Variants in CPPED1 observed in about 807,000 individuals in gnomAD.
The protein encoded by CPPED1 is calcineurin like phosphoesterase domain containing 1.
CPPED1 carries 28 observed loss-of-function variants against 28.0 expected under a neutral mutation model. The observed-to-expected ratio is 1.00, with a 90% CI of 0.74 to 1.37. The LOEUF is 1.37. Among genes scored for constraint, CPPED1 ranks in the 40% most tolerant of loss-of-function variants. The pLI is 0.00. For missense variants in CPPED1, 504 were observed against 416.5 expected, an observed-to-expected ratio of 1.21 and a Z score of -1.83; for synonymous variants, 198 against 180.2, an observed-to-expected ratio of 1.10 and a Z score of -0.79.
At chr16:12,674,668 A>C (rs992520739) in intron 3 of CPPED1, among the ~76,000 whole-genome samples, 22 of 152,222 alleles carry the variant, frequency 1.4e-4, no homozygotes, top group African/African-American at 5.3e-4. Flanking sequence ...TCTCCATTTT[A>C]CAGATGAGAA....
intron 1 of CPPED1, among the ~76,000 whole-genome samples, chr16:12,793,623 G>T (rs752795076): frequency 1.3e-5 from 2 of 152,164 alleles, no homozygotes; most frequent in African/African-American, 2.4e-5. Context: ...AACATGTAAA[G>T]CATTTGGACT....
In CPPED1 at chr16:12,770,770, C is replaced by T. The variant is rs139655360; in HGVS notation, c.289+10415G>A. Among the ~76,000 whole-genome samples, 522 of 151,750 alleles carry T rather than the reference C, an allele frequency of 3.4e-3. 2 individuals carry two copies. The highest frequency in any genetic ancestry group is 0.012 in the African/African-American group (502 of 41,372). Reference sequence around the variant, plus strand: ...CCGGGAGGCAGAGGTTGCAGTGAGCCGAGATCGCGCCATTGCACTCCAGCC... The same window carrying T: ...CCGGGAGGCAGAGGTTGCAGTGAGCTGAGATCGCGCCATTGCACTCCAGCC... On this transcript the variant is annotated intron_variant, in intron 2 of 3. Coordinates refer to ENST00000381774, the MANE Select transcript of CPPED1 (RefSeq NM_018340.3).
chr16:12,718,925 T>C (rs2141196631), intron 2 of CPPED1, among the ~76,000 whole-genome samples: 2 of 152,226 alleles, frequency 1.3e-5, no homozygotes, highest in Middle Eastern at 3.4e-3. Flanking sequence ...ATCCTTCCAC[T>C]GCACTCCAGC....
intron 2 of CPPED1, among the ~76,000 whole-genome samples, chr16:12,747,071 T>A (rs200252928): frequency 5.2e-5 from 7 of 133,500 alleles, no homozygotes; most frequent in East Asian, 2.5e-4. Flanking sequence ...AAAAAAAAAT[T>A]AAAAAAAAAA....
Position 12,728,259 on chromosome 16 carries a change from A to G in CPPED1, c.290-23210T>C, listed in dbSNP as rs76066156. ...AAGAGAGGGGAGAAATGTATTACGT[A>G]CAGTAATAAGCATATTAAATGCCTT... On this transcript the variant is annotated intron_variant, in intron 2 of 3. Coordinates refer to ENST00000381774, the MANE Select transcript of CPPED1 (RefSeq NM_018340.3). Among the ~76,000 whole-genome samples, 914 of 152,324 alleles carry G rather than the reference A, an allele frequency of 6.0e-3. 18 individuals carry two copies. In the East Asian group the frequency reaches 0.067, roughly 11 times the overall value.
chr16:12,787,866 T>C (rs1041641986), intron 1 of CPPED1, among the ~76,000 whole-genome samples: 2 of 152,204 alleles, frequency 1.3e-5, no homozygotes, highest in Non-Finnish European at 2.9e-5. Flanking sequence ...GTTTAGCTGG[T>C]CCTCTGCAAG....
At chr16:12,794,695 T>A (rs1044535248) in intron 1 of CPPED1, among the ~76,000 whole-genome samples, 9 of 152,204 alleles carry the variant, frequency 5.9e-5, no homozygotes, top group African/African-American at 2.2e-4. Context: ...ATCAAGTCAG[T>A]GCTCAAAAAG....
chr16:12,759,155 T>G (rs1375488698), intron 2 of CPPED1: 1 of 118,114 alleles, frequency 8.5e-6, no homozygotes, highest in East Asian at 2.4e-4. Context: ...AGACGAAGAC[T>G]CTGTCTCTAA....
chr16:12,791,104 T>C (rs553757412), intron 1 of CPPED1, among the ~76,000 whole-genome samples: 3 of 151,636 alleles, frequency 2.0e-5, no homozygotes, highest in Admixed American at 2.0e-4. Context: ...AACACGCAGG[T>C]TTGTTACATA....
intron 2 of CPPED1, among the ~76,000 whole-genome samples, chr16:12,755,782 C>A (rs72779088): frequency 0.19 from 29,552 of 152,072 alleles, 2,959 homozygotes; most frequent in East Asian, 0.28. Context: ...AGTTATGTGG[C>A]ATATATGAAA....
chr16:12,783,830 G>C (rs2080546899), intron 1 of CPPED1, among the ~76,000 whole-genome samples: 1 of 152,140 alleles, frequency 6.6e-6, no homozygotes, highest in Admixed American at 6.5e-5. Context: ...AATTACAATG[G>C]GCCAGAAGTC....
intron 2 of CPPED1, among the ~76,000 whole-genome samples, chr16:12,708,495 TAA>T (rs904990017): frequency 1.9e-4 from 29 of 152,186 alleles, no homozygotes; most frequent in African/African-American, 6.8e-4. Flanking sequence ...CTAAATGTAA[TAA>T]ATTCTTCCAT....
At chr16:12,689,686 A>G (rs1407806120) in intron 3 of CPPED1, among the ~76,000 whole-genome samples, 1 of 152,170 alleles carries the variant, frequency 6.6e-6, no homozygotes, top group Admixed American at 6.5e-5. Context: ...AGGAAACGAC[A>G]CTGGGGAAGT....
chr16:12,685,198 C>T (rs1596445137), intron 3 of CPPED1, among the ~76,000 whole-genome samples: 1 of 152,344 alleles, frequency 6.6e-6, no homozygotes, highest in East Asian at 1.9e-4. Flanking sequence ...CGCCTGCAAT[C>T]CCAGCACTTT....
chr16:12,772,160 C>T (rs1342405269), intron 2 of CPPED1, among the ~76,000 whole-genome samples: 1 of 151,960 alleles, frequency 6.6e-6, no homozygotes, highest in African/African-American at 2.4e-5. Context: ...AAACAAAATT[C>T]CTAGTGAGGA....
intron 1 of CPPED1, among the ~76,000 whole-genome samples, chr16:12,796,165 G>A (rs1258574708): frequency 1.3e-5 from 2 of 151,700 alleles, no homozygotes; most frequent in Non-Finnish European, 2.9e-5. Context: ...AATTTATAGT[G>A]TACAGGTAGA....
chr16:12,784,184 C>A (rs572018367), intron 1 of CPPED1, among the ~76,000 whole-genome samples: 3 of 152,314 alleles, frequency 2.0e-5, no homozygotes, highest in African/African-American at 7.2e-5. Context: ...TTGTGAATAT[C>A]CCTACAGAGA....
chr16:12,802,534 G>C (rs941886584), intron 1 of CPPED1, among the ~76,000 whole-genome samples: 1 of 152,200 alleles, frequency 6.6e-6, no homozygotes, highest in Non-Finnish European at 1.5e-5. Context: ...CCGGGAGGCG[G>C]AGGTTACAGT....
intron 1 of CPPED1, among the ~76,000 whole-genome samples, chr16:12,794,019 G>A (rs2080611753): frequency 6.6e-6 from 1 of 151,836 alleles, no homozygotes; most frequent in Non-Finnish European, 1.5e-5. Flanking sequence ...CTGCTCTGGG[G>A]ACTAATCTTA....
Sources: allele counts gnomAD v4.1 joint callset (sites outside exome capture counted in the v4.1 genomes callset), GRCh38; gene constraint gnomAD v4.1.1; transcripts MANE v1.5; gene names NCBI Gene and HGNC (gene_info 2026-07-23, HGNC 2026-07-21).